MYO9B: variants seen among roughly 807,000 people sequenced by gnomAD.
MYO9B encodes the protein unconventional myosin-IXb.
In MYO9B, 71 loss-of-function variants were observed where a neutral mutation model predicts 229.5. The ratio of observed to expected loss-of-function variants is 0.31; its 90% confidence interval spans 0.26 to 0.38. MYO9B has a LOEUF of 0.38. MYO9B is among the 10% of genes least tolerant of loss of function. The pLI, the probability that MYO9B is intolerant of heterozygous loss-of-function variation, is 1.00. For missense variants in MYO9B, 2,255 were observed against 2,920.5 expected (o/e 0.77, Z 5.25); for synonymous variants, 1,185 against 1,235.8 (o/e 0.96, Z 0.86).
intron 6 of MYO9B, 127 bp downstream of exon 6, chr19:17,154,542 C>CT: frequency 1.6e-6 from 1 of 625,630 alleles, no homozygotes; most frequent in Non-Finnish European, 2.7e-6. Flanking sequence ...TGAACAGTGC[C>CT]GCCATAGGGA....
rs1232056191 is a variant in MYO9B, at chr19:17,157,046, T to C, written c.1329+8T>C. ...CTGTCGCAGCTTCTGAAGGTACTGA[T>C]TGCCACCTCTGTCCCTTCTCAGGCC... On this transcript the variant is annotated splice_region_variant and intron_variant, in intron 7 of 39. Coordinates refer to ENST00000682292, the MANE Select transcript of MYO9B (RefSeq NM_004145.4). 1.9e-6 allele frequency: 3 copies of C among 1,612,404 alleles called. No individual in the cohort carries two copies. The highest frequency in any genetic ancestry group is 1.7e-6 in the Non-Finnish European group (2 of 1,179,306).
rs375850211 is a variant in MYO9B at position 17,184,224 on chromosome 19, T to C, written c.2373+356T>C. ...TAGTGGGTTCATAGCACCACAGAGC[T>C]CATCCTGCCCCAACGTAATGGGACC... On this transcript the variant is annotated intron_variant, in intron 16 of 39. Transcript: ENST00000682292. Among the ~76,000 whole-genome samples, 21 of 152,308 alleles carry C rather than the reference T, an allele frequency of 1.4e-4. 1 individual carries two copies. The highest frequency in any genetic ancestry group is 4.6e-4 in the African/African-American group (19 of 41,572).
intron 8 of MYO9B, 68 bp from the exon 9 acceptor site, chr19:17,162,282 A>T: frequency 7.5e-7 from 1 of 1,328,492 alleles, no homozygotes; most frequent in Non-Finnish European, 1.0e-6. Flanking sequence ...TCCAGCCTGG[A>T]TGACAGAGCA....
At chr19:17,208,804 C>T (rs553709470) in intron 35 of MYO9B, among the ~76,000 whole-genome samples, 1 of 152,288 alleles carries the variant, frequency 6.6e-6, no homozygotes, top group Middle Eastern at 3.4e-3. Context: ...GCAGCAGCCC[C>T]TGCAGGTCGC....
At chr19:17,200,174 G>A in intron 24 of MYO9B, 119 bp from the exon 25 acceptor site, 1 of 1,309,306 alleles carries the variant, frequency 7.6e-7, no homozygotes, top group South Asian at 1.5e-5. Flanking sequence ...TGCCAGGCCA[G>A]ATCCTTTTTT....
At chr19:17,097,210 A>G (rs1259705642) in intron 1 of MYO9B, among the ~76,000 whole-genome samples, 2 of 151,696 alleles carry the variant, frequency 1.3e-5, no homozygotes, top group African/African-American at 2.4e-5. Context: ...AATCCCAGCT[A>G]CTCAGGAGGC....
chr19:17,122,093 T>C (rs1391323852), intron 2 of MYO9B, among the ~76,000 whole-genome samples: 1 of 152,152 alleles, frequency 6.6e-6, no homozygotes, highest in East Asian at 1.9e-4. Context: ...CCAAATGAGC[T>C]GAACACTTGC....
At chr19:17,191,921 C>T (rs1242987896) in intron 20 of MYO9B, among the ~76,000 whole-genome samples, 3 of 152,024 alleles carry the variant, frequency 2.0e-5, no homozygotes, top group Non-Finnish European at 4.4e-5. Context: ...TGCACCACTG[C>T]ACTTCAGCCT....
At chr19:17,086,791 A>G (rs892723825) in intron 1 of MYO9B, among the ~76,000 whole-genome samples, 3 of 152,112 alleles carry the variant, frequency 2.0e-5, no homozygotes, top group Admixed American at 1.3e-4. Flanking sequence ...GAGGCACGAG[A>G]ATCACTTGAA....
chr19:17,176,196 ATT>A (rs953408184), intron 14 of MYO9B, among the ~76,000 whole-genome samples: 1 of 151,676 alleles, frequency 6.6e-6, no homozygotes, highest in African/African-American at 2.4e-5. Flanking sequence ...CACCCGGCTA[ATT>A]TCTTTTGTAT....
At chr19:17,151,632 G>A (rs2072478102) in intron 3 of MYO9B, among the ~76,000 whole-genome samples, 1 of 152,166 alleles carries the variant, frequency 6.6e-6, no homozygotes, top group African/African-American at 2.4e-5. Flanking sequence ...AAACCACAGT[G>A]ACAGGCTAGA....
At chr19:17,078,719 T>TA (rs1321667348) in intron 1 of MYO9B, among the ~76,000 whole-genome samples, 1 of 152,124 alleles carries the variant, frequency 6.6e-6, no homozygotes. Flanking sequence ...CCTGGAAAGA[T>TA]ACCACGTGTT....
chr19:17,178,651 G>A lies in MYO9B; in HGVS notation c.2220-2276G>A, dbSNP rs576583915. ...TATCAGTGCCAAAGTTTGCACCTCCGCGTGCGTGCTCAAGCCTAAGCCCAC... is the reference window on the plus strand; with the variant it reads ...TATCAGTGCCAAAGTTTGCACCTCCACGTGCGTGCTCAAGCCTAAGCCCAC... On this transcript the variant is annotated intron_variant, in intron 14 of 39. Coordinates refer to ENST00000682292, the MANE Select transcript of MYO9B (RefSeq NM_004145.4). Among the ~76,000 whole-genome samples the A allele has an allele frequency of 1.4e-4, 22 of 152,180 alleles. No individual in the cohort carries two copies. In the East Asian group the frequency reaches 2.7e-3, roughly 19 times the overall value.
Position 17,172,839 on chromosome 19 carries a change from G to T in MYO9B, c.2016G>T (p.Arg672=). 6.2e-7 allele frequency: 1 copy of T among 1,611,510 alleles called. No individual in the cohort carries two copies. The change falls in exon 13 of 40, where the codon CGG becomes CGT. Residue 672 remains arginine, a synonymous_variant. Coordinates refer to ENST00000682292, the MANE Select transcript of MYO9B (RefSeq NM_004145.4). This position sits in a 1 kb window ranked among gnomAD's most constrained non-coding sequence, Gnocchi z 8.2. ...GGGGCAGTGACAGCTCCTACGTGCG[G>T]GAGCTCATCGGCATGGACCCCGTGG... The part of the protein sequence containing the change: ...LLRGSDSSYV[R]ELIGMDPVAV...
At chr19:17,159,332 A>G (rs1348019880) in intron 7 of MYO9B, 63 bp from the exon 8 acceptor site, 1 of 1,449,594 alleles carries the variant, frequency 6.9e-7, no homozygotes, top group East Asian at 2.5e-5. Flanking sequence ...CAGTGATACC[A>G]GGACATGCCT....
chr19:17,097,815 A>G (rs1008873013), intron 1 of MYO9B, among the ~76,000 whole-genome samples: 1 of 152,162 alleles, frequency 6.6e-6, no homozygotes, highest in African/African-American at 2.4e-5. Context: ...CTTTGCTTTG[A>G]AGGGCTGGAT....
Position 17,200,442 on chromosome 19 carries a change from C to G in MYO9B, c.4372+16C>G, listed in dbSNP as rs776049455. ...GGCCTGGAAGGTTGGTAGCCTGCAG[C>G]CTCAGGGACAGACAGTAGAGCCACC... On this transcript the variant is annotated intron_variant, in intron 25 of 39. Transcript: ENST00000682292. 30 of 1,559,796 alleles carry G rather than the reference C, an allele frequency of 1.9e-5. No individual in the cohort carries two copies. The Middle Eastern group carries it at 5.6e-4, about 29-fold the overall frequency.
intron 16 of MYO9B, 121 bp from the exon 17 acceptor site, chr19:17,184,744 T>A: frequency 7.4e-7 from 1 of 1,344,958 alleles, no homozygotes; most frequent in Non-Finnish European, 1.0e-6. Flanking sequence ...ACCTAAGAGC[T>A]GCTGCCCGGG....
chr19:17,078,816 A>G (rs1291532034), intron 1 of MYO9B, among the ~76,000 whole-genome samples: 3 of 152,220 alleles, frequency 2.0e-5, no homozygotes, highest in African/African-American at 7.2e-5. Flanking sequence ...CATTCTGCCA[A>G]CCGGCAGTGC....
Sources: gnomAD v4.1 joint callset for allele counts (sites outside exome capture counted in the v4.1 genomes callset) on GRCh38, gnomAD v4.1.1 for gene constraint, Gnocchi (gnomAD v3.1) non-coding constraint, MANE v1.5 for transcripts, NCBI Gene and HGNC (gene_info 2026-07-23, HGNC 2026-07-21) for gene names.